NPC2: variants seen among roughly 807,000 people sequenced by gnomAD.
NPC2 encodes the protein NPC intracellular cholesterol transporter 2.
A neutral mutation model predicts 17.0 loss-of-function variants in NPC2; 14 were observed. The observed-to-expected ratio is 0.82, with a 90% CI of 0.54 to 1.29. The LOEUF (loss-of-function observed/expected upper bound fraction) is 1.29. Among genes scored for constraint, NPC2 ranks in the 50% most tolerant of loss-of-function variants. The probability of loss-of-function intolerance (pLI) is 0.00; values close to 1 mark genes in which losing one functional copy is unlikely to be tolerated. For synonymous variants in NPC2, 75 were observed against 69.3 expected, an observed-to-expected ratio of 1.08 and a Z score of -0.41; for missense variants, 167 against 183.4, an observed-to-expected ratio of 0.91 and a Z score of 0.52.
At chr14:74,485,648 G>A (rs1040174648) in intron 2 of NPC2, among the ~76,000 whole-genome samples, 68 of 152,248 alleles carry the variant, frequency 4.5e-4, no homozygotes, top group African/African-American at 1.6e-3. Context: ...TTTCTTATTA[G>A]ACTGTCTAGT....
Position 74,480,303 on chromosome 14 carries a change from T to C in NPC2, c.442-15A>G, listed in dbSNP as rs1256035835. 6.2e-7 allele frequency: 1 copy of C among 1,608,576 alleles called. No individual in the cohort carries two copies. The highest frequency in any genetic ancestry group is 1.3e-5 in the African/African-American group (1 of 74,798). ...AGATGAGAAACCTGTGGATGTAATG[T>C]CCCAGCTCAGTGGAAGTGGTTTGGA... On this transcript the variant is annotated splice_polypyrimidine_tract_variant and intron_variant, in intron 4 of 4. Coordinates refer to ENST00000555619, the MANE Select transcript of NPC2 (RefSeq NM_006432.5).
rs147491052 is a variant in NPC2 at position 74,491,907 on chromosome 14, A to C, written c.82+1286T>G. The stretch of plus-strand genomic sequence containing the variant: ...GGGACCGGTCTGCCTTTGTAGGACT[A>C]ACAAATTAGCTACGAGTTTAGGGGC... On this transcript the variant is annotated intron_variant, in intron 1 of 4. Coordinates refer to ENST00000555619, the MANE Select transcript of NPC2 (RefSeq NM_006432.5). Among the ~76,000 whole-genome samples, 31 of 152,296 alleles carry C rather than the reference A, an allele frequency of 2.0e-4. 1 individual carries two copies. In the East Asian group the frequency reaches 6.0e-3, roughly 29 times the overall value.
chr14:74,480,152 C>G lies in NPC2; in HGVS notation c.*122G>C. 2.5e-6 allele frequency: 4 copies of G among 1,602,464 alleles called. No homozygotes were observed. The highest frequency in any genetic ancestry group is 3.4e-6 in the Non-Finnish European group (4 of 1,175,410). Reference sequence around the variant, plus strand: ...CAGTTTCTGCTACAGAGCACCTCCTCTTCAACGAATCACTGGATACCATTG... The same window carrying G: ...CAGTTTCTGCTACAGAGCACCTCCTGTTCAACGAATCACTGGATACCATTG... On this transcript the variant is annotated 3_prime_UTR_variant, in exon 5 of 5. Coordinates refer to ENST00000555619, the MANE Select transcript of NPC2 (RefSeq NM_006432.5).
rs8015971 is a variant in NPC2, at chr14:74,484,773, A to C, written c.191-186T>G. On this transcript the variant is annotated intron_variant, in intron 2 of 4. Transcript: ENST00000555619. ...AATTATGCAAAAAAAAAAAAAAAAAAAAAAACAATCAGCAGAAGTTTTCTT... is the reference window on the plus strand; with the variant it reads ...AATTATGCAAAAAAAAAAAAAAAAACAAAAACAATCAGCAGAAGTTTTCTT... 0.22 allele frequency among the ~76,000 whole-genome samples: 31,618 copies of C among 145,526 alleles called. 3,889 individuals carry two copies. The highest frequency in any genetic ancestry group is 0.33 in the African/African-American group (12,531 of 38,002).
Position 74,493,087 on chromosome 14 carries a change from G to C in NPC2, c.82+106C>G. On this transcript the variant is annotated intron_variant, in intron 1 of 4. Coordinates refer to ENST00000555619, the MANE Select transcript of NPC2 (RefSeq NM_006432.5). This position sits in a 1 kb window ranked among gnomAD's most constrained non-coding sequence, Gnocchi z 4.1. ...TTAGGTAGGGTCCAAGGCTCAGCCT[G>C]GCCGCCCGAGGGATCCGCCCAGCCC... 7.0e-7 allele frequency: 1 copy of C among 1,428,960 alleles called. No homozygotes were observed. Among genetic ancestry groups the C allele is most frequent in the Non-Finnish European group, 9.5e-7 (1 of 1,049,428 alleles). The allele number at this position is 1,428,960 out of a possible 1,614,324, so 88.5% of individuals were successfully genotyped here.
At chr14:74,484,388 C>T (rs1478162046) in intron 3 of NPC2, 27 bp downstream of exon 3, 10 of 1,613,088 alleles carry the variant, frequency 6.2e-6, no homozygotes, top group South Asian at 3.3e-5. Context: ...CAAGGCCTCC[C>T]GTGTCCTCAA....
upstream of NPC2, chr14:74,493,443 G>C (rs1025132451): frequency 1.7e-5 from 25 of 1,459,326 alleles, 1 homozygote; most frequent in African/African-American, 3.3e-4. This position sits in a 1 kb window ranked among gnomAD's most constrained non-coding sequence, Gnocchi z 4.1. Context: ...GCCAGCTCCA[G>C]CCCTCTCAGG....
At position 74,479,950 on chromosome 14, in the gene NPC2, A is replaced by T; in HGVS notation, c.*324T>A. ...AGACCACAGCCCACATGCAGAAGAC[A>T]AGACAAACGAGTTTTTATTTATTCA... On this transcript the variant is annotated 3_prime_UTR_variant, in exon 5 of 5. Transcript: ENST00000555619. 3.9e-6 allele frequency: 5 copies of T among 1,287,488 alleles called. No individual in the cohort carries two copies. Among genetic ancestry groups the T allele is most frequent in the Non-Finnish European group, 5.0e-6 (5 of 1,007,462 alleles). The allele number at this position is 1,287,488 out of a possible 1,614,324, so 79.8% of individuals were successfully genotyped here. A position where few individuals can be genotyped will look rare whatever the true frequency, so the allele number is the denominator to read the frequency against.
At chr14:74,488,470 C>G (rs1349052975) in intron 1 of NPC2, among the ~76,000 whole-genome samples, 1 of 152,196 alleles carries the variant, frequency 6.6e-6, no homozygotes, top group Non-Finnish European at 1.5e-5. Context: ...AATCCCAGCA[C>G]TTTGGGAGGC....
chr14:74,490,818 C>A (rs989376218), intron 1 of NPC2, among the ~76,000 whole-genome samples: 1 of 152,218 alleles, frequency 6.6e-6, no homozygotes, highest in African/African-American at 2.4e-5. Flanking sequence ...TTTCCCAATT[C>A]AAAAGTAAAT....
At chr14:74,483,288 T>C in intron 3 of NPC2, 6 of 1,171,002 alleles carry the variant, frequency 5.1e-6, no homozygotes, top group Non-Finnish European at 7.6e-6. Context: ...GTTCCAATGA[T>C]TTTGGTTGGC....
intron 3 of NPC2, chr14:74,483,326 G>A: frequency 1.6e-6 from 2 of 1,283,872 alleles, no homozygotes; most frequent in Admixed American, 3.5e-5. Context: ...AGATGAGTGA[G>A]TAGTTGGCAA....
intron 1 of NPC2, among the ~76,000 whole-genome samples, chr14:74,492,867 G>A (rs2086790459): frequency 6.6e-6 from 1 of 152,198 alleles, no homozygotes; most frequent in South Asian, 2.1e-4. Flanking sequence ...GAAGTTCTGT[G>A]CTCCACCCCT....
intron 2 of NPC2, among the ~76,000 whole-genome samples, chr14:74,485,118 A>C (rs1388675016): frequency 6.6e-6 from 1 of 151,708 alleles, no homozygotes. Flanking sequence ...AACATGGAAA[A>C]ACCCTGTCTC....
intron 3 of NPC2, among the ~76,000 whole-genome samples, chr14:74,482,260 TACC>T: frequency 6.6e-6 from 1 of 152,362 alleles, no homozygotes; most frequent in South Asian, 2.1e-4. Context: ...TTTAATTACT[TACC>T]TTTCCTAGAA....
At chr14:74,486,537 G>C in intron 1 of NPC2, 101 bp from the exon 2 acceptor site, 1 of 876,362 alleles carries the variant, frequency 1.1e-6, no homozygotes, top group African/African-American at 1.7e-5. Flanking sequence ...TCCCATTTAG[G>C]GTCAACTCAT....
chr14:74,481,035 C>G (rs2086651110), intron 3 of NPC2, among the ~76,000 whole-genome samples: 1 of 152,210 alleles, frequency 6.6e-6, no homozygotes, highest in Admixed American at 6.5e-5. Flanking sequence ...ATTTCTAAAG[C>G]ATTCTCTTCT....
At chr14:74,480,405 T>C (rs754722397) in intron 4 of NPC2, 117 bp from the exon 5 acceptor site, 41 of 928,164 alleles carry the variant, frequency 4.4e-5, no homozygotes, top group Non-Finnish European at 6.6e-5. Context: ...TCAGGTCCTG[T>C]CTGGCTGGAC....
Position 74,493,115 on chromosome 14 carries a change from C to T in NPC2, c.82+78G>A. 6.5e-7 allele frequency: 1 copy of T among 1,527,890 alleles called. No individual in the cohort carries two copies. The highest frequency in any genetic ancestry group is 8.9e-7 in the Non-Finnish European group (1 of 1,128,130). 94.6% of individuals were successfully genotyped at this position (1,527,890 alleles called of 1,614,324 possible). A position where few individuals can be genotyped will look rare whatever the true frequency, so the allele number is the denominator to read the frequency against. ...CGCCCGAGGGATCCGCCCAGCCCAG[C>T]CCCAGGGGTCTCAGCGCGGGGGTCC... On this transcript the variant is annotated intron_variant, in intron 1 of 4. Transcript: ENST00000555619. The surrounding 1 kb of genome is among the most constrained non-coding windows in gnomAD (Gnocchi z 4.1).
Sources: allele counts gnomAD v4.1 joint callset (sites outside exome capture counted in the v4.1 genomes callset), GRCh38; gene constraint gnomAD v4.1.1; non-coding constraint Gnocchi (gnomAD v3.1); transcripts MANE v1.5; gene names NCBI Gene and HGNC (gene_info 2026-07-23, HGNC 2026-07-21).